The following CCDC169 variants were observed in gnomAD, a reference collection of about 807,000 sequenced individuals.
CCDC169 encodes the protein coiled-coil domain containing 169.
Under a neutral mutation model 36.0 loss-of-function variants are expected in CCDC169, and 30 were observed. The observed-to-expected ratio is 0.83, with a 90% CI of 0.62 to 1.13. The LOEUF is 1.13. Ranked by LOEUF, CCDC169 falls within the 50% of genes most tolerant of loss-of-function variation. The pLI is 0.00. For missense variants in CCDC169, 245 were observed against 245.9 expected (o/e 1.00, Z 0.03); for synonymous variants, 85 against 81.5 (o/e 1.04, Z -0.23).
downstream of CCDC169, among the ~76,000 whole-genome samples, chr13:36,227,536 T>C (rs912045589): frequency 2.0e-5 from 3 of 152,054 alleles, no homozygotes; most frequent in African/African-American, 7.2e-5. Context: ...TACCCAGTGA[T>C]AGCACTAGTG....
intron 4 of CCDC169, among the ~76,000 whole-genome samples, chr13:36,254,631 A>G (rs749890276): frequency 3.3e-5 from 5 of 152,104 alleles, no homozygotes; most frequent in Non-Finnish European, 1.5e-5. Flanking sequence ...AACCCTAACA[A>G]TATGTCATGT....
chr13:36,246,397 GA>G (rs1872512810), intron 7 of CCDC169, among the ~76,000 whole-genome samples: 1 of 152,182 alleles, frequency 6.6e-6, no homozygotes, highest in Non-Finnish European at 1.5e-5. Context: ...TGCTGATATG[GA>G]AAAAGTGTGA....
chr13:36,245,830 T>C (rs921654208), intron 7 of CCDC169, among the ~76,000 whole-genome samples: 4 of 152,218 alleles, frequency 2.6e-5, no homozygotes, highest in African/African-American at 9.7e-5. Flanking sequence ...ACCCCTGTGT[T>C]AAGCAAGTCT....
chr13:36,283,422 A>C, intron 4 of CCDC169, 47 bp downstream of exon 4: 3 of 1,502,450 alleles, frequency 2.0e-6, no homozygotes, highest in Middle Eastern at 4.2e-4. Flanking sequence ...AAAAATAGAC[A>C]TAATTTCCTT....
chr13:36,234,174 T>A (rs560097281), intron 7 of CCDC169, among the ~76,000 whole-genome samples: 1 of 152,174 alleles, frequency 6.6e-6, no homozygotes, highest in Non-Finnish European at 1.5e-5. Context: ...CTATAACTCA[T>A]TGGGAAGTTG....
downstream of CCDC169, chr13:36,227,307 A>T (rs1336293629): frequency 6.4e-7 from 1 of 1,551,504 alleles, no homozygotes; most frequent in South Asian, 1.2e-5. Flanking sequence ...TGGTCCAGCC[A>T]CACCTGCAGC....
chr13:36,245,552 C>T (rs1872408901), intron 7 of CCDC169, among the ~76,000 whole-genome samples: 1 of 152,148 alleles, frequency 6.6e-6, no homozygotes, highest in Non-Finnish European at 1.5e-5. Flanking sequence ...CCCGCCTCAG[C>T]CTCCCAAAAT....
At chr13:36,277,008 A>AT (rs1203776812) in intron 4 of CCDC169, among the ~76,000 whole-genome samples, 5 of 152,304 alleles carry the variant, frequency 3.3e-5, no homozygotes, top group Admixed American at 1.3e-4. Context: ...CATAATGTAT[A>AT]TAAAAGTATA....
chr13:36,266,160 G>T (rs1307627435), intron 4 of CCDC169, among the ~76,000 whole-genome samples: 1 of 152,026 alleles, frequency 6.6e-6, no homozygotes, highest in Non-Finnish European at 1.5e-5. Flanking sequence ...CTTTCCACTG[G>T]GCTGACTGTC....
chr13:36,281,698 C>T (rs1348681908), intron 4 of CCDC169, among the ~76,000 whole-genome samples: 3 of 151,962 alleles, frequency 2.0e-5, no homozygotes, highest in Admixed American at 2.0e-4. Flanking sequence ...CTCGTCTCTA[C>T]TAAAAATACA....
intron 2 of CCDC169, among the ~76,000 whole-genome samples, chr13:36,287,848 A>G (rs774940703): frequency 6.6e-6 from 1 of 151,006 alleles, no homozygotes; most frequent in Non-Finnish European, 1.5e-5. Context: ...ATCTTTGTGT[A>G]TTTTTTTTTG....
chr13:36,227,052 A>T (rs1869915035), downstream of CCDC169: 1 of 442,042 alleles, frequency 2.3e-6, no homozygotes, highest in African/African-American at 2.0e-5. Context: ...GAGAGTTGGA[A>T]GAAGTTTCAT....
chr13:36,294,814 A>G (rs1300657242), intron 2 of CCDC169, among the ~76,000 whole-genome samples: 1 of 152,062 alleles, frequency 6.6e-6, no homozygotes, highest in South Asian at 2.1e-4. Context: ...TTAGAACAGA[A>G]CAGAACAGGA....
downstream of CCDC169, among the ~76,000 whole-genome samples, chr13:36,228,580 G>T (rs926173186): frequency 1.4e-4 from 22 of 151,880 alleles, no homozygotes; most frequent in Non-Finnish European, 2.9e-4. Context: ...TTTTCTTTGA[G>T]ACAGGGTCTT....
Position 36,281,380 on chromosome 13 carries a change from T to C in CCDC169, c.315+2089A>G. On this transcript the variant is annotated intron_variant, in intron 4 of 7. Coordinates refer to ENST00000239859, the MANE Select transcript of CCDC169 (RefSeq NM_001144981.3). Reference sequence around the variant, plus strand: ...CATGCTAAAATAAAATTTTAATAAATTACCCCACTGAAAGACACTTAGAAG... The same window carrying C: ...CATGCTAAAATAAAATTTTAATAAACTACCCCACTGAAAGACACTTAGAAG... The C allele has an allele frequency of 8.0e-6, 3 of 373,180 alleles. 1 individual carries two copies. Among genetic ancestry groups the C allele is most frequent in the South Asian group, 6.4e-5 (3 of 46,602 alleles). The allele number at this position is 373,180 out of a possible 1,614,324, so 23.1% of individuals were successfully genotyped here. A position where few individuals can be genotyped will look rare whatever the true frequency, so the allele number is the denominator to read the frequency against.
rs78246855 is a variant in CCDC169 at position 36,275,987 on chromosome 13, C to T, written c.315+7482G>A. Among the ~76,000 whole-genome samples, 604 of 152,154 alleles carry T rather than the reference C, an allele frequency of 4.0e-3. 2 individuals are homozygous for T. The highest frequency in any genetic ancestry group is 0.014 in the African/African-American group (571 of 41,510). On this transcript the variant is annotated intron_variant, in intron 4 of 7. Coordinates refer to ENST00000239859, the MANE Select transcript of CCDC169 (RefSeq NM_001144981.3). Reference sequence around the variant, plus strand: ...CAGGTGTGTGATAAAAACAATGGCCCGATGGTTTAAAAGAACTAAGACTTA... The same window carrying T: ...CAGGTGTGTGATAAAAACAATGGCCTGATGGTTTAAAAGAACTAAGACTTA...
At chr13:36,291,306 T>C (rs1422308784) in intron 2 of CCDC169, among the ~76,000 whole-genome samples, 2 of 140,750 alleles carry the variant, frequency 1.4e-5, no homozygotes, top group African/African-American at 5.0e-5. Context: ...ATTTATTTTA[T>C]TCTAGAGTTT....
chr13:36,280,654 T>C (rs1343892161), intron 4 of CCDC169: 1 of 152,240 alleles, frequency 6.6e-6, no homozygotes, highest in Non-Finnish European at 1.5e-5. Flanking sequence ...TTTATTTGGT[T>C]GTTCTTTTTA....
intron 7 of CCDC169, among the ~76,000 whole-genome samples, chr13:36,235,005 A>T (rs1041170549): frequency 3.3e-5 from 5 of 152,138 alleles, no homozygotes; most frequent in African/African-American, 1.2e-4. Context: ...TGCATGAGCA[A>T]TAATTGTAAA....
Sources: gnomAD v4.1 joint callset for allele counts (sites outside exome capture counted in the v4.1 genomes callset) on GRCh38, gnomAD v4.1.1 for gene constraint, MANE v1.5 for transcripts, NCBI Gene and HGNC (gene_info 2026-07-23, HGNC 2026-07-21) for gene names.